Variants in CDH12 observed in about 807,000 individuals in gnomAD.
CDH12 encodes the protein cadherin-12.
A neutral mutation model predicts 74.1 loss-of-function variants in CDH12; 41 were observed. The ratio of observed to expected loss-of-function variants is 0.55; its 90% CI spans 0.43 to 0.72. CDH12 has a LOEUF of 0.72. Ranked by LOEUF, CDH12 falls within the 30% of genes least tolerant of loss-of-function variation. The pLI is 0.00. For synonymous variants in CDH12, 399 were observed against 355.0 expected (o/e 1.12, Z -1.39); for missense variants, 945 against 977.2 (o/e 0.97, Z 0.44).
chr5:22,363,392 T>A (rs989713784), intron 3 of CDH12, among the ~76,000 whole-genome samples: 1 of 152,144 alleles, frequency 6.6e-6, no homozygotes, highest in Non-Finnish European at 1.5e-5. Context: ...AACAGAATAC[T>A]TAGGGAATGC....
intron 5 of CDH12, among the ~76,000 whole-genome samples, chr5:22,052,894 C>T (rs1425131626): frequency 1.3e-5 from 2 of 152,002 alleles, no homozygotes; most frequent in Admixed American, 6.6e-5. Flanking sequence ...TTCAAAATCT[C>T]TTAGGAATAT....
chr5:22,490,099 A>AATCTTAAT lies in CDH12; in HGVS notation c.-428+15163_-428+15170dup, dbSNP rs201121088. ...TATGTCCACTGGATTTAAGTAATAC[A>AATCTTAAT]ATCTTAATAGCTAGAGCAATAGTGA... On this transcript the variant is annotated intron_variant, in intron 2 of 14. Coordinates refer to ENST00000382254, the MANE Select transcript of CDH12 (RefSeq NM_004061.5). 5.5e-3 allele frequency among the ~76,000 whole-genome samples: 830 copies of AATCTTAAT among 152,290 alleles called. 8 individuals carry two copies. Among genetic ancestry groups the AATCTTAAT allele is most frequent in the African/African-American group, 0.019 (802 of 41,572 alleles).
At chr5:22,211,985 G>C (rs973809501) in intron 4 of CDH12, among the ~76,000 whole-genome samples, 1 of 151,514 alleles carries the variant, frequency 6.6e-6, no homozygotes, top group Non-Finnish European at 1.5e-5. Context: ...TAACATTTAA[G>C]TTTTAAGTTC....
At chr5:22,476,014 T>C (rs1044532145) in intron 2 of CDH12, among the ~76,000 whole-genome samples, 3 of 152,048 alleles carry the variant, frequency 2.0e-5, no homozygotes, top group African/African-American at 4.8e-5. Flanking sequence ...TATGAAAAAA[T>C]GTAAGCATTC....
intron 1 of CDH12, among the ~76,000 whole-genome samples, chr5:22,578,922 TG>T (rs768937043): frequency 1.1e-3 from 162 of 152,290 alleles, no homozygotes; most frequent in Non-Finnish European, 1.3e-3. Context: ...CCCTGGTGAG[TG>T]TCTTTTAAAC....
intron 3 of CDH12, among the ~76,000 whole-genome samples, chr5:22,278,248 G>A (rs1175495285): frequency 6.6e-6 from 1 of 152,112 alleles, no homozygotes; most frequent in Non-Finnish European, 1.5e-5. Flanking sequence ...ATAGTCATAA[G>A]GCCAACGAAA....
intron 1 of CDH12, among the ~76,000 whole-genome samples, chr5:22,550,967 T>C (rs1738537557): frequency 6.6e-6 from 1 of 152,116 alleles, no homozygotes; most frequent in Admixed American, 6.6e-5. Flanking sequence ...TTTTAATAAA[T>C]TGCTGGCTTT....
chr5:21,984,894 C>A (rs1258846516), intron 5 of CDH12, among the ~76,000 whole-genome samples: 1 of 152,176 alleles, frequency 6.6e-6, no homozygotes, highest in Non-Finnish European at 1.5e-5. Context: ...TACCAATTCA[C>A]TACACAATAT....
intron 1 of CDH12, among the ~76,000 whole-genome samples, chr5:22,554,121 C>G (rs1338056059): frequency 6.6e-6 from 1 of 151,856 alleles, no homozygotes; most frequent in African/African-American, 2.4e-5. Context: ...ATTATGGAGA[C>G]AGTAAAAAGA....
In CDH12 at chr5:21,969,098, C is replaced by A. The variant is rs1230430254; in HGVS notation, c.526+5993G>T. Among the ~76,000 whole-genome samples, 18 of 150,862 alleles carry A rather than the reference C, an allele frequency of 1.2e-4. No individual in the cohort carries two copies. The East Asian group carries it at 3.5e-3, about 29-fold the overall frequency. ...CCCTGGCACATGTTTATCAATGTAACAAACCTGCACATCCTGCACAGGTAC... is the reference window on the plus strand; with the variant it reads ...CCCTGGCACATGTTTATCAATGTAAAAAACCTGCACATCCTGCACAGGTAC... On this transcript the variant is annotated intron_variant, in intron 6 of 14. Coordinates refer to ENST00000382254, the MANE Select transcript of CDH12 (RefSeq NM_004061.5).
chr5:22,739,386 T>A (rs17358314), intron 1 of CDH12, among the ~76,000 whole-genome samples: 1 of 151,664 alleles, frequency 6.6e-6, no homozygotes, highest in Non-Finnish European at 1.5e-5. Flanking sequence ...TGTCAATGAA[T>A]GTTGTCCACT....
At chr5:22,845,508 C>T (rs1737261296) in intron 1 of CDH12, among the ~76,000 whole-genome samples, 1 of 152,080 alleles carries the variant, frequency 6.6e-6, no homozygotes, top group Non-Finnish European at 1.5e-5. Context: ...GCTATGTGCC[C>T]TCTATGTGCG....
chr5:21,791,627 T>A (rs1486623954), intron 10 of CDH12, among the ~76,000 whole-genome samples: 1 of 151,682 alleles, frequency 6.6e-6, no homozygotes, highest in African/African-American at 2.4e-5. Flanking sequence ...ATGATTATAA[T>A]CTGTATATAA....
intron 7 of CDH12, among the ~76,000 whole-genome samples, chr5:21,853,123 A>AT (rs1010081300): frequency 6.6e-6 from 1 of 151,492 alleles, no homozygotes; most frequent in Non-Finnish European, 1.5e-5. Flanking sequence ...TATATATAAG[A>AT]TTTTTTTCAC....
intron 1 of CDH12, among the ~76,000 whole-genome samples, chr5:22,762,339 A>T (rs2127057721): frequency 6.6e-6 from 1 of 152,220 alleles, no homozygotes; most frequent in East Asian, 1.9e-4. Context: ...AAAATAAAAA[A>T]TCTAATTTTA....
chr5:22,765,557 A>G (rs955058675), intron 1 of CDH12, among the ~76,000 whole-genome samples: 1 of 152,028 alleles, frequency 6.6e-6, no homozygotes, highest in African/African-American at 2.4e-5. Flanking sequence ...AAAGTATAGA[A>G]GAATTTTCAG....
intron 1 of CDH12, among the ~76,000 whole-genome samples, chr5:22,805,232 A>G (rs1417891245): frequency 2.6e-5 from 4 of 152,134 alleles, no homozygotes; most frequent in Non-Finnish European, 4.4e-5. Context: ...ATATACTTAT[A>G]TAATAAAATA....
At chr5:22,291,509 G>T (rs28810167) in intron 3 of CDH12, among the ~76,000 whole-genome samples, 2,914 of 152,194 alleles carry the variant, frequency 0.019, 36 homozygotes, top group African/African-American at 0.028. Flanking sequence ...CCGTAAAGTT[G>T]CAGAATATAA....
intron 1 of CDH12, among the ~76,000 whole-genome samples, chr5:22,799,749 G>GTGTA (rs1330836665): frequency 6.6e-6 from 1 of 151,988 alleles, no homozygotes; most frequent in East Asian, 1.9e-4. Context: ...GAACACTCAC[G>GTGTA]TTAAGAAATA....
Sources: allele counts gnomAD v4.1 joint callset (sites outside exome capture counted in the v4.1 genomes callset), GRCh38; gene constraint gnomAD v4.1.1; transcripts MANE v1.5; gene names NCBI Gene and HGNC (gene_info 2026-07-23, HGNC 2026-07-21).